The following TSC22D1 variants were observed in gnomAD, a reference collection of about 807,000 sequenced individuals.
TSC22D1 encodes TSC22 domain family member 1, also known as TSC22 domain family protein 1.
A neutral mutation model predicts 74.2 loss-of-function variants in TSC22D1; 9 were observed. That is an observed-to-expected ratio of 0.12 (90% CI 0.07 to 0.21). The LOEUF (loss-of-function observed/expected upper bound fraction) is 0.21, where lower values mean the gene tolerates loss of function less well. TSC22D1 is among the 10% of genes least tolerant of loss of function. The pLI is 1.00. For missense variants in TSC22D1, 1,427 were observed against 1,304.7 expected, an observed-to-expected ratio of 1.09 and a Z score of -1.44; for synonymous variants, 586 against 492.5, an observed-to-expected ratio of 1.19 and a Z score of -2.51.
rs754386180 is a variant in TSC22D1, at chr13:44,434,839, C to T, written c.3009G>A (p.Val1003=). ...CTTTGATTTGCTCTTTGAGGACCTC[C>T]ACTTCTTCTCTGACCGCATACATCA... ...SHLMYAVREE[V]EVLKEQIKEL... Residue 1003 remains valine (V), a synonymous_variant, in exon 3 of 3, where the codon GTG becomes GTA. Coordinates refer to ENST00000458659, the MANE Select transcript of TSC22D1 (RefSeq NM_183422.4). The T allele has an allele frequency of 1.6e-5, 26 of 1,613,994 alleles. No homozygotes were observed. The highest frequency in any genetic ancestry group is 2.2e-5 in the Non-Finnish European group (26 of 1,180,002).
intron 1 of TSC22D1, among the ~76,000 whole-genome samples, chr13:44,509,336 G>A (rs560089625): frequency 1.3e-3 from 204 of 152,256 alleles, no homozygotes; most frequent in Non-Finnish European, 2.5e-3. Flanking sequence ...CCACTGAACT[G>A]TACATTTAAG....
chr13:44,449,515 G>A (rs1875954927), intron 1 of TSC22D1, among the ~76,000 whole-genome samples: 1 of 152,230 alleles, frequency 6.6e-6, no homozygotes, highest in Non-Finnish European at 1.5e-5. Flanking sequence ...TAGGAGAAAT[G>A]GCTTTAGCGG....
chr13:44,434,005 G>A lies in TSC22D1; in HGVS notation c.*621C>T. Reference sequence around the variant, plus strand: ...TACAATAAGCAAAACAACCTTCATGGTAAGATAGCCTAGGTCCCAGCTACC... The same window carrying A: ...TACAATAAGCAAAACAACCTTCATGATAAGATAGCCTAGGTCCCAGCTACC... On this transcript the variant is annotated 3_prime_UTR_variant, in exon 3 of 3. Coordinates refer to ENST00000458659, the MANE Select transcript of TSC22D1 (RefSeq NM_183422.4). The A allele has an allele frequency of 6.5e-7, 1 of 1,534,106 alleles. No individual in the cohort carries two copies. The highest frequency in any genetic ancestry group is 8.7e-7 in the Non-Finnish European group (1 of 1,146,472).
chr13:44,526,720 A>G (rs933578576), intron 1 of TSC22D1, among the ~76,000 whole-genome samples: 1 of 152,228 alleles, frequency 6.6e-6, no homozygotes, highest in Non-Finnish European at 1.5e-5. Flanking sequence ...TTTCTACTGA[A>G]TGCATATTGC....
At chr13:44,444,925 C>T (rs1875514367) in intron 1 of TSC22D1, among the ~76,000 whole-genome samples, 1 of 152,136 alleles carries the variant, frequency 6.6e-6, no homozygotes, top group Non-Finnish European at 1.5e-5. Flanking sequence ...ATAGTTTAAA[C>T]TCTTTCTATA....
upstream of TSC22D1, among the ~76,000 whole-genome samples, chr13:44,576,761 G>A (rs1484883305): frequency 6.6e-6 from 1 of 151,274 alleles, no homozygotes; most frequent in Non-Finnish European, 1.5e-5. Context: ...CGAGGCGCCC[G>A]GTACGGTGAG....
chr13:44,561,637 A>T (rs888127538), intron 1 of TSC22D1, among the ~76,000 whole-genome samples: 16 of 152,286 alleles, frequency 1.1e-4, no homozygotes, highest in African/African-American at 3.6e-4. Flanking sequence ...CAAGCATGTG[A>T]TCTTAACTTC....
At chr13:44,572,612 T>A (rs187975301) in intron 1 of TSC22D1, among the ~76,000 whole-genome samples, 1 of 152,210 alleles carries the variant, frequency 6.6e-6, no homozygotes, top group Non-Finnish European at 1.5e-5. Context: ...ATTAAATAAG[T>A]ACGCAAAAGT....
rs759094000 is a variant in TSC22D1, at chr13:44,574,152, G to C, written c.1923C>G (p.Ala641=). Reference sequence around the variant, plus strand: ...GAGTCACTGATTTGACATGGCCTGGGGCCATCTGTGTAGAAACCATTGGTT... The same window carrying C: ...GAGTCACTGATTTGACATGGCCTGGCGCCATCTGTGTAGAAACCATTGGTT... ...QQQPMVSTQM[A]PGHVKSVTQN... Residue 641 remains alanine (A), a synonymous_variant, in exon 1 of 3, where the codon GCC becomes GCG. Transcript: ENST00000458659. 1 of 1,614,218 alleles carries C rather than the reference G, an allele frequency of 6.2e-7. No homozygotes were observed. The highest frequency in any genetic ancestry group is 8.5e-7 in the Non-Finnish European group (1 of 1,180,024).
intron 1 of TSC22D1, among the ~76,000 whole-genome samples, chr13:44,501,953 ATT>A (rs1376538680): frequency 6.6e-6 from 1 of 152,170 alleles, no homozygotes; most frequent in African/African-American, 2.4e-5. Flanking sequence ...AAGTGAAATA[ATT>A]TGTCTTTATA....
intron 1 of TSC22D1, among the ~76,000 whole-genome samples, chr13:44,445,254 G>C (rs73188717): frequency 0.086 from 11,092 of 128,648 alleles, 461 homozygotes; most frequent in Non-Finnish European, 0.094. Flanking sequence ...CACACACACA[G>C]AGCAAATCGA....
chr13:44,454,423 C>T (rs184750510), intron 1 of TSC22D1, among the ~76,000 whole-genome samples: 15 of 152,128 alleles, frequency 9.9e-5, no homozygotes, highest in Admixed American at 9.8e-4. Flanking sequence ...GTAGAACAAA[C>T]ACCCACAAAC....
intron 1 of TSC22D1, among the ~76,000 whole-genome samples, chr13:44,522,628 A>G (rs944475759): frequency 6.6e-6 from 1 of 152,218 alleles, no homozygotes; most frequent in African/African-American, 2.4e-5. Flanking sequence ...GGACAACCAC[A>G]TGCAAAAGGA....
At chr13:44,531,045 G>A (rs1880808550) in intron 1 of TSC22D1, among the ~76,000 whole-genome samples, 1 of 152,154 alleles carries the variant, frequency 6.6e-6, no homozygotes, top group African/African-American at 2.4e-5. Flanking sequence ...TACTAATGGT[G>A]AATACGTGAC....
chr13:44,458,137 T>C (rs755513683), intron 1 of TSC22D1, among the ~76,000 whole-genome samples: 1 of 152,254 alleles, frequency 6.6e-6, no homozygotes, highest in Non-Finnish European at 1.5e-5. Context: ...AATTTCTCAC[T>C]GTGATTCTAT....
chr13:44,438,856 A>G (rs904975840), intron 1 of TSC22D1, among the ~76,000 whole-genome samples: 1 of 152,184 alleles, frequency 6.6e-6, no homozygotes. Context: ...AGTTATACCT[A>G]AAACTATTTG....
intron 1 of TSC22D1, among the ~76,000 whole-genome samples, chr13:44,552,106 T>C (rs1188530337): frequency 6.6e-6 from 1 of 152,158 alleles, no homozygotes; most frequent in Non-Finnish European, 1.5e-5. Flanking sequence ...GAACCATGAA[T>C]TCATTCCCTA....
At chr13:44,545,099 C>A (rs1566165039) in intron 1 of TSC22D1, among the ~76,000 whole-genome samples, 1 of 152,048 alleles carries the variant, frequency 6.6e-6, no homozygotes, top group Non-Finnish European at 1.5e-5. Flanking sequence ...ACTTGGGAGG[C>A]CAAGGTAGGC....
intron 1 of TSC22D1, among the ~76,000 whole-genome samples, chr13:44,572,813 G>A (rs1781315094): frequency 2.0e-5 from 3 of 152,204 alleles, no homozygotes; most frequent in Non-Finnish European, 2.9e-5. Context: ...TATTTTAGCA[G>A]CTCAAAATAG....
Sources: allele counts gnomAD v4.1 joint callset (sites outside exome capture counted in the v4.1 genomes callset), GRCh38; gene constraint gnomAD v4.1.1; transcripts MANE v1.5; gene names NCBI Gene and HGNC (gene_info 2026-07-23, HGNC 2026-07-21).